Variants in CSF2RB observed in about 807,000 individuals in gnomAD.
CSF2RB encodes colony stimulating factor 2 receptor subunit beta.
In CSF2RB, 22 loss-of-function variants were observed where a neutral mutation model predicts 67.2. That is an observed-to-expected ratio of 0.33 (90% confidence interval 0.23 to 0.47). The LOEUF (loss-of-function observed/expected upper bound fraction) is 0.47. CSF2RB is among the 20% of genes least tolerant of loss of function. The probability of loss-of-function intolerance (pLI) is 1.00; values close to 1 mark genes in which losing one functional copy is unlikely to be tolerated. For missense variants in CSF2RB, 1,113 were observed against 1,174.5 expected (o/e 0.95, Z 0.76); for synonymous variants, 507 against 482.9 (o/e 1.05, Z -0.65).
intron 1 of CSF2RB, among the ~76,000 whole-genome samples, chr22:36,916,316 G>T (rs1940713182): frequency 6.6e-6 from 1 of 152,164 alleles, no homozygotes; most frequent in South Asian, 2.1e-4. Context: ...AGAATTTAGA[G>T]AAGTGAGTAA....
chr22:36,923,699 AG>A (rs750951454), intron 3 of CSF2RB: 15 of 1,326,666 alleles, frequency 1.1e-5, no homozygotes, highest in African/African-American at 1.5e-5. Context: ...CCTCACTGTG[AG>A]GTGGGCAGGG....
At position 36,929,557 on chromosome 22, in the gene CSF2RB, G is replaced by A. The variant is rs758466490; in HGVS notation, c.547G>A (p.Glu183Lys). 11 of 1,614,058 alleles carry A rather than the reference G, an allele frequency of 6.8e-6. No homozygotes were observed. The highest frequency in any genetic ancestry group is 1.1e-5 in the South Asian group (1 of 91,094). Residue 183 changes from glutamate to lysine, a missense_variant and splice_region_variant, in exon 5 of 14, where the codon GAG (glutamate) becomes AAG (lysine). Transcript: ENST00000403662. The part of the protein sequence containing the change: ...VVYKRLQDSW[E>K]DAAILLSNTS... The stretch of plus-strand genomic sequence containing the variant: ...CTACAAGCGGCTTCAGGACTCTTGG[G>A]AGGTAGGAACCACGGCCAGCTCTGC...
At position 36,936,451 on chromosome 22, in the gene CSF2RB, G is replaced by A. The variant is rs532420820; in HGVS notation, c.1465-98G>A. 6 of 900,488 alleles carry A rather than the reference G, an allele frequency of 6.7e-6. No individual in the cohort carries two copies. In the East Asian group the frequency reaches 1.5e-4, roughly 23 times the overall value. 55.8% of individuals were successfully genotyped at this position (900,488 alleles called of 1,614,324 possible). ...GAAGTGGAGATTCTTCTCTTGTCTGGGGGCTCCTTGAATCCTCCTGCACCC... is the reference window on the plus strand; with the variant it reads ...GAAGTGGAGATTCTTCTCTTGTCTGAGGGCTCCTTGAATCCTCCTGCACCC... On this transcript the variant is annotated intron_variant, in intron 12 of 13. Transcript: ENST00000403662.
Position 36,938,552 on chromosome 22 carries a change from C to G in CSF2RB, c.*50C>G. Reference sequence around the variant, plus strand: ...GGGATGGAGAGGGCTTGCCTTCCCTCCCGCCTGACCTTCCTCAGTCATTTC... The same window carrying G: ...GGGATGGAGAGGGCTTGCCTTCCCTGCCGCCTGACCTTCCTCAGTCATTTC... On this transcript the variant is annotated 3_prime_UTR_variant, in exon 14 of 14. Coordinates refer to ENST00000403662, the MANE Select transcript of CSF2RB (RefSeq NM_000395.3). The G allele has an allele frequency of 6.5e-7, 1 of 1,547,210 alleles. No homozygotes were observed. The highest frequency in any genetic ancestry group is 8.7e-7 in the Non-Finnish European group (1 of 1,145,068).
rs1940886381 is a variant in CSF2RB, at chr22:36,922,086, T to G, written c.-122T>G. The G allele has an allele frequency of 1.2e-6, 1 of 855,488 alleles. No homozygotes were observed. The highest frequency in any genetic ancestry group is 1.7e-5 in the African/African-American group (1 of 59,840). The allele number at this position is 855,488 out of a possible 1,614,324, so 53.0% of individuals were successfully genotyped here. ...GGAGAGGTCCCAAGAGCCTGTGAAA[T>G]GGGTCTGGCCTGGCTCCCAGCTGGG... On this transcript the variant is annotated 5_prime_UTR_variant, in exon 2 of 14. The change abolishes an upstream ATG in the 5' untranslated region. Coordinates refer to ENST00000403662, the MANE Select transcript of CSF2RB (RefSeq NM_000395.3).
rs1276325803 is a variant in CSF2RB at position 36,939,158 on chromosome 22, T to C, written c.*656T>C. The stretch of plus-strand genomic sequence containing the variant: ...GGGGGGGCGGTGCAAGGGACGCACA[T>C]GAGAGACTGTTTGGGAGCTTCTGGG... On this transcript the variant is annotated 3_prime_UTR_variant, in exon 14 of 14. Transcript: ENST00000403662. 1.4e-6 allele frequency: 1 copy of C among 702,204 alleles called. No individual in the cohort carries two copies. The highest frequency in any genetic ancestry group is 1.5e-5 in the South Asian group (1 of 67,584). 43.5% of individuals were successfully genotyped at this position (702,204 alleles called of 1,614,324 possible).
At chr22:36,917,815 T>G (rs1940758403) in intron 1 of CSF2RB, among the ~76,000 whole-genome samples, 3 of 151,946 alleles carry the variant, frequency 2.0e-5, no homozygotes, top group Admixed American at 2.0e-4. Context: ...CCCAGCTACT[T>G]GGGAGGCTAA....
In CSF2RB at chr22:36,939,918, A is replaced by G. The variant is rs1941351533; in HGVS notation, c.*1416A>G. The G allele has an allele frequency of 6.6e-6, 1 of 152,180 alleles. No individual in the cohort carries two copies. The highest frequency in any genetic ancestry group is 2.4e-5 in the African/African-American group (1 of 41,436). The allele number at this position is 152,180 out of a possible 1,614,324, so 9.4% of individuals were successfully genotyped here. A position where few individuals can be genotyped will look rare whatever the true frequency, so the allele number is the denominator to read the frequency against. ...AAGCAGTGTTTGTCCTAATTTATAT[A>G]TTGTTTTTCTAGTTCATTTTGTGTT... is the stretch of plus-strand genomic sequence containing the variant. On this transcript the variant is annotated 3_prime_UTR_variant, in exon 14 of 14. Transcript: ENST00000403662.
Position 36,923,313 on chromosome 22 carries a change from ACACC to A in CSF2RB, c.149_152del (p.Thr50ArgfsTer9). On this transcript the variant is annotated frameshift_variant, in exon 3 of 14. Transcript: ENST00000403662. LOFTEE classifies it high-confidence loss of function. ...AGCCACATCACCTGCAGGTGGGCAG[ACACC>A]CAGGATGCCCAGCGGCTCGTCAACG... 6.2e-7 allele frequency: 1 copy of A among 1,614,164 alleles called. No homozygotes were observed. The highest frequency in any genetic ancestry group is 8.5e-7 in the Non-Finnish European group (1 of 1,180,018).
Position 36,922,030 on chromosome 22 carries a change from C to A in CSF2RB, c.-172-6C>A. 1 of 623,408 alleles carries A rather than the reference C, an allele frequency of 1.6e-6. No individual in the cohort carries two copies. The highest frequency in any genetic ancestry group is 2.9e-6 in the Non-Finnish European group (1 of 344,944). 38.6% of individuals were successfully genotyped at this position (623,408 alleles called of 1,614,324 possible). A position where few individuals can be genotyped will look rare whatever the true frequency, so the allele number is the denominator to read the frequency against. On this transcript the variant is annotated splice_polypyrimidine_tract_variant and splice_region_variant and intron_variant, in intron 1 of 13. Transcript: ENST00000403662. ...GGCAGCTCACTGCTGACATCTCCTT[C>A]TGCAGGCCTGGAGGAGGCAGAGGCC...
At position 36,930,778 on chromosome 22, in the gene CSF2RB, C is replaced by G. The variant is rs758984857; in HGVS notation, c.960C>G (p.Ile320Met). The G allele has an allele frequency of 6.2e-7, 1 of 1,614,138 alleles. No homozygotes were observed. Among genetic ancestry groups the G allele is most frequent in the Non-Finnish European group, 8.5e-7 (1 of 1,180,044 alleles). Residue 320 changes from isoleucine to methionine, a missense_variant, in exon 8 of 14, where the codon ATC (isoleucine) becomes ATG (methionine). Ile to Met is a conservative substitution (Grantham distance 10, BLOSUM62 1). Transcript: ENST00000403662. ...VPDPATHGQY[I>M]VSVQPRRAEK... ...ACCCCGCGACCCACGGCCAATACATCGTCTCTGTTCAGCCAAGGAGGGCAG... is the reference window on the plus strand; with the variant it reads ...ACCCCGCGACCCACGGCCAATACATGGTCTCTGTTCAGCCAAGGAGGGCAG...
chr22:36,938,912 G>C lies in CSF2RB; in HGVS notation c.*410G>C. ...CTGAGCCTTATCAGACTGAGATGCG[G>C]CTGGTTGTGTTGAGGACTTGTGTGG... On this transcript the variant is annotated 3_prime_UTR_variant, in exon 14 of 14. Transcript: ENST00000403662. 1.7e-6 allele frequency: 1 copy of C among 586,426 alleles called. No homozygotes were observed. Among genetic ancestry groups the C allele is most frequent in the Admixed American group, 3.0e-5 (1 of 33,558 alleles). 36.3% of individuals were successfully genotyped at this position (586,426 alleles called of 1,614,324 possible). A position where few individuals can be genotyped will look rare whatever the true frequency, so the allele number is the denominator to read the frequency against.
chr22:36,933,444 T>C (rs190160869), intron 9 of CSF2RB, among the ~76,000 whole-genome samples: 1 of 152,266 alleles, frequency 6.6e-6, no homozygotes, highest in East Asian at 1.9e-4. Flanking sequence ...GAGCGGGCCC[T>C]GGGGTCCTGA....
rs375512070 is a variant in CSF2RB at position 36,935,695 on chromosome 22, C to T, written c.1464+8C>T. On this transcript the variant is annotated splice_region_variant and intron_variant, in intron 12 of 13. Coordinates refer to ENST00000403662, the MANE Select transcript of CSF2RB (RefSeq NM_000395.3). ...AAGAGCCACCTGTTCCAGGTAGGAA[C>T]TGGCTGCGAGGGGCGGAGTGGGGGC... The T allele has an allele frequency of 1.3e-4, 215 of 1,613,448 alleles. No homozygotes were observed. Among genetic ancestry groups the T allele is most frequent in the Non-Finnish European group, 1.8e-4 (208 of 1,179,858 alleles).
intron 4 of CSF2RB, among the ~76,000 whole-genome samples, chr22:36,927,304 G>T (rs1941037748): frequency 6.6e-6 from 1 of 152,212 alleles, no homozygotes; most frequent in Admixed American, 6.5e-5. Context: ...GGGGGCCCAG[G>T]CTGGAGGGAG....
intron 8 of CSF2RB, 31 bp from the exon 9 acceptor site, chr22:36,932,734 A>G (rs1382558956): frequency 1.9e-6 from 3 of 1,609,574 alleles, no homozygotes; most frequent in Non-Finnish European, 2.5e-6. Flanking sequence ...GGTGGGTATG[A>G]TGACTCTCCT....
Position 36,929,551 on chromosome 22 carries a change from T to G in CSF2RB, c.541T>G (p.Ser181Ala). Residue 181 changes from serine to alanine, a missense_variant, in exon 5 of 14, where the codon TCT becomes GCT. Physicochemically the swap from Ser to Ala is moderately conservative, Grantham distance 99. Around this residue, in one of 2 missense-constraint regions of CSF2RB, gnomAD observed 559 missense variants for 656.5 expected, o/e 0.85. Transcript: ENST00000403662. ...FEVVYKRLQD[S>A]WEDAAILLSN... ...GGTGGTCTACAAGCGGCTTCAGGAC[T>G]CTTGGGAGGTAGGAACCACGGCCAG... 1 of 1,614,114 alleles carries G rather than the reference T, an allele frequency of 6.2e-7. No homozygotes were observed. The highest frequency in any genetic ancestry group is 8.5e-7 in the Non-Finnish European group (1 of 1,180,008).
intron 4 of CSF2RB, among the ~76,000 whole-genome samples, chr22:36,928,468 A>G (rs1941073725): frequency 6.6e-6 from 1 of 152,090 alleles, no homozygotes; most frequent in African/African-American, 2.4e-5. Flanking sequence ...TTCTGGGTTG[A>G]TGGTTCCTGA....
chr22:36,916,716 G>T (rs6000484), intron 1 of CSF2RB, among the ~76,000 whole-genome samples: 2 of 152,058 alleles, frequency 1.3e-5, no homozygotes, highest in Admixed American at 6.6e-5. Flanking sequence ...AAAATTAGCC[G>T]GGTTTGGTGG....
Sources: gnomAD v4.1 joint callset for allele counts (sites outside exome capture counted in the v4.1 genomes callset) on GRCh38, gnomAD v4.1.1 for gene constraint, gnomAD v4.1.1 regional missense constraint, MANE v1.5 for transcripts, NCBI Gene and HGNC (gene_info 2026-07-23, HGNC 2026-07-21) for gene names.